RGS7: variants seen among roughly 807,000 people sequenced by gnomAD.
RGS7 encodes the protein regulator of G protein signaling 7.
Under a neutral mutation model 81.1 loss-of-function variants are expected in RGS7, and 27 were observed. That is an observed-to-expected ratio of 0.33 (90% CI 0.25 to 0.46). RGS7 has a LOEUF of 0.46. RGS7 is among the 20% of genes least tolerant of loss of function. The probability of loss-of-function intolerance (pLI) is 1.00; values close to 1 mark genes in which losing one functional copy is unlikely to be tolerated. For missense variants in RGS7, 396 were observed against 607.4 expected (o/e 0.65, Z 3.66); for synonymous variants, 208 against 207.7 (o/e 1.00, Z -0.01).
chr1:241,070,982 T>C (rs1397522571), intron 3 of RGS7, among the ~76,000 whole-genome samples: 1 of 152,176 alleles, frequency 6.6e-6, no homozygotes, highest in African/African-American at 2.4e-5. Context: ...AACTAGATTG[T>C]CCTCCTTTTT....
At chr1:241,126,560 G>A (rs1199918789) in intron 2 of RGS7, among the ~76,000 whole-genome samples, 2 of 152,148 alleles carry the variant, frequency 1.3e-5, no homozygotes, top group Non-Finnish European at 2.9e-5. Flanking sequence ...TACTGACCTT[G>A]GGAAAGTTAC....
intron 4 of RGS7, among the ~76,000 whole-genome samples, chr1:240,970,222 C>T (rs887315311): frequency 1.3e-5 from 2 of 152,110 alleles, no homozygotes; most frequent in African/African-American, 2.4e-5. Flanking sequence ...GCCAGAAACT[C>T]AAACCTGAAA....
Position 241,032,707 on chromosome 1 carries a change from G to A in RGS7, c.176-49578C>T, listed in dbSNP as rs76471648. Among the ~76,000 whole-genome samples the A allele has an allele frequency of 4.0e-3, 608 of 152,148 alleles. 1 individual carries two copies. Among genetic ancestry groups the A allele is most frequent in the African/African-American group, 0.011 (462 of 41,516 alleles). ...CTCTCAGAGATCTTTCACGTCCTTCGTTACATATATTCCTATTTATTTTAT... is the reference window on the plus strand; with the variant it reads ...CTCTCAGAGATCTTTCACGTCCTTCATTACATATATTCCTATTTATTTTAT... On this transcript the variant is annotated intron_variant, in intron 3 of 18. Transcript: ENST00000440928.
intron 6 of RGS7, among the ~76,000 whole-genome samples, chr1:240,886,030 CA>C (rs1372605301): frequency 2.6e-5 from 4 of 152,152 alleles, no homozygotes; most frequent in Non-Finnish European, 4.4e-5. Context: ...ATTTTTAAAC[CA>C]ATGCAATATC....
chr1:240,889,976 T>G (rs2148137798), intron 6 of RGS7, among the ~76,000 whole-genome samples: 1 of 152,284 alleles, frequency 6.6e-6, no homozygotes, highest in Admixed American at 6.5e-5. Flanking sequence ...CAATTATCTC[T>G]CAGAGTTTCC....
At chr1:241,131,870 A>G (rs918074720) in intron 2 of RGS7, among the ~76,000 whole-genome samples, 1 of 152,238 alleles carries the variant, frequency 6.6e-6, no homozygotes, top group African/African-American at 2.4e-5. Context: ...TCAAGCAAAG[A>G]CTGAAAGACA....
At position 241,271,109 on chromosome 1, in the gene RGS7, G is replaced by T. The variant is rs913150722; in HGVS notation, c.78+84590C>A. On this transcript the variant is annotated intron_variant, in intron 2 of 18. Coordinates refer to ENST00000440928, the MANE Select transcript of RGS7 (RefSeq NM_001364886.1). The surrounding 1 kb of genome is among the most constrained non-coding windows in gnomAD (Gnocchi z 4.6). ...AGTGGCGAAAGCATTCATCATTGCCGACCTGTGTGGAATGTGAACCTGAGT... is the reference window on the plus strand; with the variant it reads ...AGTGGCGAAAGCATTCATCATTGCCTACCTGTGTGGAATGTGAACCTGAGT... Among the ~76,000 whole-genome samples, 1 of 152,162 alleles carries T rather than the reference G, an allele frequency of 6.6e-6. No homozygotes were observed. The highest frequency in any genetic ancestry group is 2.4e-5 in the African/African-American group (1 of 41,446).
At chr1:241,107,102 C>A (rs1483512464) in intron 2 of RGS7, among the ~76,000 whole-genome samples, 1 of 152,140 alleles carries the variant, frequency 6.6e-6, no homozygotes, top group Non-Finnish European at 1.5e-5. Flanking sequence ...AAGACGGGCA[C>A]ATAAGTGGGT....
intron 6 of RGS7, among the ~76,000 whole-genome samples, chr1:240,912,960 G>C (rs893913164): frequency 3.3e-5 from 5 of 152,128 alleles, no homozygotes; most frequent in Non-Finnish European, 7.3e-5. Flanking sequence ...CTTACAGGGA[G>C]GAAGGAGCCA....
At chr1:240,989,504 C>T (rs1686149924) in intron 3 of RGS7, among the ~76,000 whole-genome samples, 1 of 151,852 alleles carries the variant, frequency 6.6e-6, no homozygotes, top group Non-Finnish European at 1.5e-5. Context: ...AGAGCAAAGG[C>T]CCACTTCCTC....
At chr1:241,135,510 C>CT (rs1020438600) in intron 2 of RGS7, among the ~76,000 whole-genome samples, 7 of 152,082 alleles carry the variant, frequency 4.6e-5, no homozygotes, top group African/African-American at 1.7e-4. Context: ...TGGGTTCGAG[C>CT]TGAGAACCTT....
At chr1:241,208,727 A>G (rs1268724962) in intron 2 of RGS7, among the ~76,000 whole-genome samples, 2 of 152,156 alleles carry the variant, frequency 1.3e-5, no homozygotes, top group African/African-American at 4.8e-5. Flanking sequence ...CTGTTCAAAC[A>G]ATCCCTGTGT....
chr1:241,082,052 G>A (rs1247440580), intron 3 of RGS7, among the ~76,000 whole-genome samples: 1 of 152,160 alleles, frequency 6.6e-6, no homozygotes, highest in East Asian at 1.9e-4. Flanking sequence ...TTATGTATTT[G>A]GAAAGAATTT....
intron 14 of RGS7, among the ~76,000 whole-genome samples, chr1:240,810,287 G>A (rs1252272143): frequency 6.6e-6 from 1 of 152,084 alleles, no homozygotes; most frequent in African/African-American, 2.4e-5. Context: ...TATTTGGCTA[G>A]GTGAGGCTGG....
At chr1:241,329,342 G>A (rs941942409) in intron 2 of RGS7, among the ~76,000 whole-genome samples, 2 of 152,136 alleles carry the variant, frequency 1.3e-5, no homozygotes, top group African/African-American at 4.8e-5. Flanking sequence ...TGTTTGAGTG[G>A]GAAGAAAAGC....
At chr1:240,876,833 C>T (rs997664374) in intron 6 of RGS7, among the ~76,000 whole-genome samples, 4 of 152,062 alleles carry the variant, frequency 2.6e-5, no homozygotes, top group African/African-American at 7.2e-5. Flanking sequence ...TGGTGGTGCA[C>T]ACCTGTAATC....
At chr1:240,932,993 C>A (rs1285110047) in intron 5 of RGS7, among the ~76,000 whole-genome samples, 1 of 146,348 alleles carries the variant, frequency 6.8e-6, no homozygotes, top group Non-Finnish European at 1.5e-5. Context: ...ACGCCATTCT[C>A]CTGCCTCAGC....
At chr1:241,342,209 T>G (rs1031243307) in intron 2 of RGS7, among the ~76,000 whole-genome samples, 1 of 152,024 alleles carries the variant, frequency 6.6e-6, no homozygotes, top group Non-Finnish European at 1.5e-5. Flanking sequence ...GCCTGGATAT[T>G]AGTCAGCTAG....
chr1:241,136,179 G>A (rs1236364611), intron 2 of RGS7, among the ~76,000 whole-genome samples: 2 of 152,122 alleles, frequency 1.3e-5, no homozygotes, highest in Non-Finnish European at 2.9e-5. Flanking sequence ...AGATGGTGGA[G>A]GAAAGATAAG....
Sources: gnomAD v4.1 joint callset for allele counts (sites outside exome capture counted in the v4.1 genomes callset) on GRCh38, gnomAD v4.1.1 for gene constraint, Gnocchi (gnomAD v3.1) non-coding constraint, MANE v1.5 for transcripts, NCBI Gene and HGNC (gene_info 2026-07-23, HGNC 2026-07-21) for gene names.